OAF: variants seen among roughly 807,000 people sequenced by gnomAD.
OAF encodes the protein out at first protein homolog.
Under a neutral mutation model 22.5 loss-of-function variants are expected in OAF, and 13 were observed. The ratio of observed to expected loss-of-function variants is 0.58; its 90% CI spans 0.38 to 0.92. The LOEUF is 0.92. OAF is among the 40% of genes least tolerant of loss of function. The pLI is 0.00. For synonymous variants in OAF, 175 were observed against 170.5 expected (o/e 1.03, Z -0.21); for missense variants, 347 against 381.8 (o/e 0.91, Z 0.76).
Position 120,211,480 on chromosome 11 carries a change from C to T in OAF, c.201C>T (p.Thr67=). 1.3e-6 allele frequency: 2 copies of T among 1,498,268 alleles called. No homozygotes were observed. The highest frequency in any genetic ancestry group is 1.8e-6 in the Non-Finnish European group (2 of 1,118,824). The allele number at this position is 1,498,268 out of a possible 1,614,324, so 92.8% of individuals were successfully genotyped here. Reference sequence around the variant, plus strand: ...TCGAGCTGCGCAAGCCCGACGGCACCCTCGTCTCCTTCACCGCCGACTTCA... The same window carrying T: ...TCGAGCTGCGCAAGCCCGACGGCACTCTCGTCTCCTTCACCGCCGACTTCA... ...ISLELRKPDG[T]LVSFTADFKK... The change falls in exon 1 of 4, where the codon ACC becomes ACT. Residue 67 remains threonine (T), a synonymous_variant. Coordinates refer to ENST00000328965, the MANE Select transcript of OAF (RefSeq NM_178507.4).
chr11:120,218,525 A>G (rs1938241244), intron 1 of OAF, among the ~76,000 whole-genome samples: 1 of 152,214 alleles, frequency 6.6e-6, no homozygotes, highest in Admixed American at 6.5e-5. Context: ...CCAGGAGCAG[A>G]GGAATAAATA....
Position 120,225,696 on chromosome 11 carries a change from G to A in OAF, c.267G>A (p.Glu89=). 6.2e-7 allele frequency: 1 copy of A among 1,603,224 alleles called. No homozygotes were observed. Among genetic ancestry groups the A allele is most frequent in the Non-Finnish European group, 8.5e-7 (1 of 1,175,320 alleles). The change falls in exon 2 of 4, where the codon GAG becomes GAA. Residue 89 remains glutamate (E), a synonymous_variant. Transcript: ENST00000328965. Reference sequence around the variant, plus strand: ...TCTTCCGGGCCCTGATCCTGGGGGAGCTGGAGAAGGGGCAGAGTCAGTTCC... The same window carrying A: ...TCTTCCGGGCCCTGATCCTGGGGGAACTGGAGAAGGGGCAGAGTCAGTTCC... The part of the protein sequence containing the change: ...VKVFRALILG[E]LEKGQSQFQA...
rs942038793 is a variant in OAF at position 120,229,473 on chromosome 11, G to A, written c.*331G>A. 4.0e-5 allele frequency: 12 copies of A among 303,680 alleles called. No individual in the cohort carries two copies. The East Asian group carries it at 7.3e-4, about 19-fold the overall frequency. The allele number at this position is 303,680 out of a possible 1,614,324, so 18.8% of individuals were successfully genotyped here. Reference sequence around the variant, plus strand: ...AAACATGATGGCCTCTGGTTGTTCTGTTGAACTCCTTGAACGTTTAGACCC... The same window carrying A: ...AAACATGATGGCCTCTGGTTGTTCTATTGAACTCCTTGAACGTTTAGACCC... On this transcript the variant is annotated 3_prime_UTR_variant, in exon 4 of 4. Coordinates refer to ENST00000328965, the MANE Select transcript of OAF (RefSeq NM_178507.4).
Position 120,226,950 on chromosome 11 carries a change from T to C in OAF, c.501T>C (p.Asp167=). ...HLHNVCAEAV[D]AIYTRQEDVR... ...ACAACGTGTGTGCCGAGGCCGTGGATGCCATCTACACCCGCCAGGAGGATG... is the reference window on the plus strand; with the variant it reads ...ACAACGTGTGTGCCGAGGCCGTGGACGCCATCTACACCCGCCAGGAGGATG... Residue 167 remains aspartate (D), a synonymous_variant, in exon 3 of 4, where the codon GAT becomes GAC. Coordinates refer to ENST00000328965, the MANE Select transcript of OAF (RefSeq NM_178507.4). 6.2e-7 allele frequency: 1 copy of C among 1,608,748 alleles called. No homozygotes were observed. Among genetic ancestry groups the C allele is most frequent in the Non-Finnish European group, 8.5e-7 (1 of 1,176,288 alleles).
intron 1 of OAF, among the ~76,000 whole-genome samples, chr11:120,216,140 G>A (rs1483874231): frequency 6.6e-6 from 1 of 152,188 alleles, no homozygotes; most frequent in African/African-American, 2.4e-5. Flanking sequence ...GGGAGCCAGA[G>A]GAAGGGATAG....
chr11:120,212,040 C>T (rs2508495), intron 1 of OAF, among the ~76,000 whole-genome samples: 136,040 of 152,204 alleles, frequency 0.89, 60,946 homozygotes, highest in Middle Eastern at 0.96. Context: ...CTGGTTGCCC[C>T]TGGTCCCTCT....
chr11:120,227,006 G>A lies in OAF; in HGVS notation c.547+10G>A, dbSNP rs199742045. 12 of 1,585,342 alleles carry A rather than the reference G, an allele frequency of 7.6e-6. No homozygotes were observed. The highest frequency in any genetic ancestry group is 2.3e-5 in the East Asian group (1 of 44,146). ...TTCTGGCTGGAGCAAGGTCAGCTGG[G>A]AGCTGGGCACTGCCCGCTGCTGGGC... is the stretch of plus-strand genomic sequence containing the variant. On this transcript the variant is annotated intron_variant, in intron 3 of 3. Transcript: ENST00000328965.
At chr11:120,225,433 G>T (rs888754363) in intron 1 of OAF, among the ~76,000 whole-genome samples, 25 of 152,092 alleles carry the variant, frequency 1.6e-4, no homozygotes, top group African/African-American at 5.1e-4. Context: ...AAACTCTAGT[G>T]GTTCACTTTG....
chr11:120,223,002 T>A (rs1217834844), intron 1 of OAF, among the ~76,000 whole-genome samples: 1 of 152,160 alleles, frequency 6.6e-6, no homozygotes, highest in Admixed American at 6.5e-5. Context: ...CTTCTCTTAT[T>A]TGTGTCATGC....
At position 120,230,296 on chromosome 11, in the gene OAF, G is replaced by A. The variant is rs1045352152; in HGVS notation, c.*1154G>A. On this transcript the variant is annotated 3_prime_UTR_variant, in exon 4 of 4. Transcript: ENST00000328965. Reference sequence around the variant, plus strand: ...GGGTCAAGTTGCTTGACCTCTCTGTGCCTCCACTCCCTTAGCTATAAAATG... The same window carrying A: ...GGGTCAAGTTGCTTGACCTCTCTGTACCTCCACTCCCTTAGCTATAAAATG... 6.6e-6 allele frequency: 1 copy of A among 152,216 alleles called. No homozygotes were observed. The highest frequency in any genetic ancestry group is 6.5e-5 in the Admixed American group (1 of 15,278). 9.4% of individuals were successfully genotyped at this position (152,216 alleles called of 1,614,324 possible).
intron 1 of OAF, among the ~76,000 whole-genome samples, chr11:120,211,964 C>A (rs890026295): frequency 6.6e-6 from 1 of 152,172 alleles, no homozygotes; most frequent in Non-Finnish European, 1.5e-5. Context: ...TCTGCGAGGC[C>A]TCCCAGCCCT....
intron 3 of OAF, 89 bp from the exon 4 acceptor site, chr11:120,228,779 C>A: frequency 1.9e-6 from 2 of 1,030,074 alleles, no homozygotes; most frequent in Non-Finnish European, 1.4e-6. Context: ...ACAGAGGAGA[C>A]CAAGTGGGGA....
At chr11:120,214,887 A>C (rs960518309) in intron 1 of OAF, among the ~76,000 whole-genome samples, 1 of 152,220 alleles carries the variant, frequency 6.6e-6, no homozygotes, top group Non-Finnish European at 1.5e-5. Context: ...GAAGGCCATC[A>C]GGCTGACCGA....
At chr11:120,223,521 C>G (rs537287782) in intron 1 of OAF, among the ~76,000 whole-genome samples, 4 of 152,340 alleles carry the variant, frequency 2.6e-5, no homozygotes, top group East Asian at 1.9e-4. Context: ...GAGAAATTAT[C>G]ATTCCCTTCC....
At chr11:120,215,173 G>T (rs374830998) in intron 1 of OAF, among the ~76,000 whole-genome samples, 1 of 151,936 alleles carries the variant, frequency 6.6e-6, no homozygotes, top group African/African-American at 2.4e-5. Flanking sequence ...GCGAAACCCC[G>T]TCTCTACTAA....
At chr11:120,222,772 T>C (rs528513110) in intron 1 of OAF, among the ~76,000 whole-genome samples, 233 of 151,442 alleles carry the variant, frequency 1.5e-3, no homozygotes, top group African/African-American at 5.5e-3. Flanking sequence ...ATTAGCTGGG[T>C]GTGGTGGCCC....
intron 1 of OAF, among the ~76,000 whole-genome samples, chr11:120,221,877 C>T (rs969080294): frequency 6.6e-6 from 1 of 152,194 alleles, no homozygotes; most frequent in Non-Finnish European, 1.5e-5. Flanking sequence ...ATAACAACCT[C>T]CCGTCTTGGG....
intron 1 of OAF, 96 bp downstream of exon 1, chr11:120,211,606 G>A: frequency 2.3e-6 from 2 of 886,038 alleles, no homozygotes; most frequent in African/African-American, 1.8e-5. Flanking sequence ...ACGGGCCCAG[G>A]AGGGAGACGC....
rs2135086448 is a variant in OAF, at chr11:120,211,074, C to G, written c.-206C>G. 1 of 185,510 alleles carries G rather than the reference C, an allele frequency of 5.4e-6. No individual in the cohort carries two copies. 11.5% of individuals were successfully genotyped at this position (185,510 alleles called of 1,614,324 possible). ...CGGAGCCGGGCCGGGGCAGCGCCGT[C>G]TCCGCCTCGGGGCCGCCGGGGGCGC... On this transcript the variant is annotated 5_prime_UTR_variant, in exon 1 of 4. Transcript: ENST00000328965.
Sources: gnomAD v4.1 joint callset for allele counts (sites outside exome capture counted in the v4.1 genomes callset) on GRCh38, gnomAD v4.1.1 for gene constraint, MANE v1.5 for transcripts, NCBI Gene and HGNC (gene_info 2026-07-23, HGNC 2026-07-21) for gene names.